Variants in LRP2 observed in about 807,000 individuals in gnomAD.
LRP2 encodes the protein LDL receptor related protein 2.
A neutral mutation model predicts 531.0 loss-of-function variants in LRP2; 172 were observed. The ratio of observed to expected loss-of-function variants is 0.32; its 90% confidence interval spans 0.29 to 0.37. The LOEUF (loss-of-function observed/expected upper bound fraction) is 0.37. LRP2 is among the 10% of genes least tolerant of loss of function. The pLI is 1.00. For missense variants in LRP2, 5,167 were observed against 5,868.3 expected, an observed-to-expected ratio of 0.88 and a Z score of 3.90; for synonymous variants, 1,992 against 2,027.6, an observed-to-expected ratio of 0.98 and a Z score of 0.47.
At chr2:169,182,704 A>C in intron 50 of LRP2, 1 of 861,098 alleles carries the variant, frequency 1.2e-6, no homozygotes, top group Non-Finnish European at 1.4e-6. Context: ...TCAAGGAAAC[A>C]CACTTGTCTA....
chr2:169,334,886 C>T (rs1656834961), intron 1 of LRP2, among the ~76,000 whole-genome samples: 1 of 152,172 alleles, frequency 6.6e-6, no homozygotes, highest in Non-Finnish European at 1.5e-5. Context: ...CACAGCCGTC[C>T]CTCCATGAAG....
intron 44 of LRP2, among the ~76,000 whole-genome samples, chr2:169,199,666 G>T (rs1471758620): frequency 6.7e-6 from 1 of 148,698 alleles, no homozygotes; most frequent in Non-Finnish European, 1.5e-5. Context: ...GCATAACCCT[G>T]CAGAAAAAAA....
In LRP2 at chr2:169,216,561, C is replaced by T. The variant is rs1410446933; in HGVS notation, c.5649-131G>A. ...ATGGGCAAAGGCTGAAAATCAATAT[C>T]TCGTTGCATACAACGTGGAGGGGTA... On this transcript the variant is annotated intron_variant, in intron 34 of 78. Coordinates refer to ENST00000649046, the MANE Select transcript of LRP2 (RefSeq NM_004525.3). 9 of 847,122 alleles carry T rather than the reference C, an allele frequency of 1.1e-5. No homozygotes were observed. In the East Asian group the frequency reaches 2.3e-4, roughly 21 times the overall value. 52.5% of individuals were successfully genotyped at this position (847,122 alleles called of 1,614,324 possible).
Position 169,292,331 on chromosome 2 carries a change from T to C in LRP2, c.691A>G (p.Ser231Gly), listed in dbSNP as rs1684018612. The C allele has an allele frequency of 1.9e-6, 3 of 1,614,066 alleles. No individual in the cohort carries two copies. The highest frequency in any genetic ancestry group is 2.5e-6 in the Non-Finnish European group (3 of 1,179,942). Residue 231 changes from serine to glycine, a missense_variant, in exon 7 of 79, where the codon AGT becomes GGT. Transcript: ENST00000649046. ...TCGGYQFTCP[S>G]GRCIYQNWVC... Reference sequence around the variant, plus strand: ...CAGTTTTGATAAATGCATCGGCCACTGGGGCAAGTGAACTGGTAACCACCG... The same window carrying C: ...CAGTTTTGATAAATGCATCGGCCACCGGGGCAAGTGAACTGGTAACCACCG...
intron 76 of LRP2, among the ~76,000 whole-genome samples, chr2:169,136,151 A>G (rs1370220356): frequency 6.6e-6 from 1 of 152,046 alleles, no homozygotes; most frequent in East Asian, 1.9e-4. Context: ...GCCATCACCA[A>G]TAATTCTACA....
rs1355605838 is a variant in LRP2 at position 169,175,449 on chromosome 2, GAGA to G, written c.10572-63_10572-61del. On this transcript the variant is annotated intron_variant, in intron 54 of 78. Coordinates refer to ENST00000649046, the MANE Select transcript of LRP2 (RefSeq NM_004525.3). Reference sequence around the variant, plus strand: ...GCACCAGGGGCAACAGTTATCTGGAGAGAAGAAGTCAACACTGAATTCCAAGAA... The same window carrying G: ...GCACCAGGGGCAACAGTTATCTGGAGAGAAGTCAACACTGAATTCCAAGAA... 1.1e-5 allele frequency: 16 copies of G among 1,513,166 alleles called. No homozygotes were observed. The East Asian group carries it at 2.0e-4, about 19-fold the overall frequency. 93.7% of individuals were successfully genotyped at this position (1,513,166 alleles called of 1,614,324 possible).
chr2:169,132,016 TCTC>T (rs1685308430), intron 77 of LRP2, among the ~76,000 whole-genome samples: 1 of 152,152 alleles, frequency 6.6e-6, no homozygotes, highest in African/African-American at 2.4e-5. Context: ...TTTCTTTCAA[TCTC>T]CAGTATTAAA....
chr2:169,347,639 C>A (rs1263383911), intron 1 of LRP2, among the ~76,000 whole-genome samples: 1 of 151,278 alleles, frequency 6.6e-6, no homozygotes, highest in Non-Finnish European at 1.5e-5. Context: ...TAGGAGAAAC[C>A]CAGCAGAGAG....
At chr2:169,304,794 G>A (rs1016128074) in intron 4 of LRP2, among the ~76,000 whole-genome samples, 2 of 152,118 alleles carry the variant, frequency 1.3e-5, no homozygotes, top group Non-Finnish European at 2.9e-5. Flanking sequence ...ATTTATAATA[G>A]CAAAGACTTG....
At chr2:169,329,145 T>C (rs569303516) in intron 1 of LRP2, among the ~76,000 whole-genome samples, 10 of 152,310 alleles carry the variant, frequency 6.6e-5, no homozygotes, top group African/African-American at 2.2e-4. Context: ...GCCGGTGTCA[T>C]CAGAGAAGTC....
Position 169,292,259 on chromosome 2 carries a change from C to T in LRP2, c.763G>A (p.Gly255Arg). ...AATCTCTTCCCCTCCTTACCACATC[C>T]ATCTTCATCTCCATTATCTTTACAG... is the stretch of plus-strand genomic sequence containing the variant. Reference protein sequence around the residue: ...DDCKDNGDEDGCESGPHDVHK... With the variant: ...DDCKDNGDEDRCESGPHDVHK... The change falls in exon 7 of 79, where the codon GGA becomes AGA. Residue 255 changes from glycine (G) to arginine (R), a missense_variant. Around this residue, in one of 6 missense-constraint regions of LRP2, gnomAD observed 2,811 missense variants for 3,058.0 expected, o/e 0.92. Coordinates refer to ENST00000649046, the MANE Select transcript of LRP2 (RefSeq NM_004525.3). The T allele has an allele frequency of 1.9e-6, 3 of 1,605,608 alleles. No individual in the cohort carries two copies. The highest frequency in any genetic ancestry group is 2.6e-6 in the Non-Finnish European group (3 of 1,172,272).
chr2:169,174,009 A>C lies in LRP2; in HGVS notation c.10924T>G (p.Cys3642Gly), dbSNP rs1438770334. ...TGCGGGATGCAGCGGCCATTAGCAC[A>C]CCGAAACTGGCCCGGCCGGCAGGTC... ...SRTCRPGQFRCANGRCIPQAW... is the reference protein window; with the variant it reads ...SRTCRPGQFRGANGRCIPQAW... Residue 3642 changes from cysteine (C) to glycine (G), a missense_variant, in exon 56 of 79, where the codon TGT becomes GGT. Coordinates refer to ENST00000649046, the MANE Select transcript of LRP2 (RefSeq NM_004525.3). 1 of 1,614,140 alleles carries C rather than the reference A, an allele frequency of 6.2e-7. No homozygotes were observed.
intron 5 of LRP2, 26 bp downstream of exon 5, chr2:169,294,574 C>T (rs1559061702): frequency 6.7e-7 from 1 of 1,496,686 alleles, no homozygotes; most frequent in East Asian, 2.3e-5. Flanking sequence ...CAGCACACAA[C>T]TGCACATCTT....
intron 69 of LRP2, 124 bp downstream of exon 69, chr2:169,146,615 T>G: frequency 1.4e-6 from 1 of 712,344 alleles, no homozygotes. Flanking sequence ...GGTGGAGGGG[T>G]GGTATCTAAA....
Position 169,244,905 on chromosome 2 carries a change from G to A in LRP2, c.3218C>T (p.Thr1073Ile). The A allele has an allele frequency of 1.2e-6, 2 of 1,614,238 alleles. No homozygotes were observed. The highest frequency in any genetic ancestry group is 1.7e-6 in the Non-Finnish European group (2 of 1,180,036). The change falls in exon 22 of 79, where the codon ACC (threonine) becomes ATC (isoleucine). Residue 1073 changes from threonine to isoleucine, a missense_variant. Physicochemically the swap from Thr to Ile is moderately conservative, Grantham distance 89. Coordinates refer to ENST00000649046, the MANE Select transcript of LRP2 (RefSeq NM_004525.3). ...LNNTCSSSAF[T>I]CGHGECIPAH... ...AGGAATGCACTCCCCATGGCCACAGGTGAACGCCGAAGATGAACAGGTATT... is the reference window on the plus strand; with the variant it reads ...AGGAATGCACTCCCCATGGCCACAGATGAACGCCGAAGATGAACAGGTATT...
intron 76 of LRP2, among the ~76,000 whole-genome samples, chr2:169,136,147 A>G (rs1224300963): frequency 6.6e-6 from 1 of 152,020 alleles, no homozygotes; most frequent in Non-Finnish European, 1.5e-5. Context: ...CCAGGCCATC[A>G]CCAATAATTC....
At chr2:169,157,295 T>A in intron 64 of LRP2, 76 bp downstream of exon 64, 1 of 1,442,926 alleles carries the variant, frequency 6.9e-7, no homozygotes, top group South Asian at 1.2e-5. Context: ...TAGTGATTTA[T>A]TTAACAAAGG....
At chr2:169,293,289 A>G (rs1486860423) in intron 6 of LRP2, among the ~76,000 whole-genome samples, 1 of 152,192 alleles carries the variant, frequency 6.6e-6, no homozygotes, top group Non-Finnish European at 1.5e-5. Flanking sequence ...GGTGGCAACA[A>G]TAAGAGAGGT....
In LRP2 at chr2:169,289,009, C is replaced by G; in HGVS notation, c.1042+17G>C. 6.2e-7 allele frequency: 1 copy of G among 1,613,664 alleles called. No homozygotes were observed. The highest frequency in any genetic ancestry group is 2.2e-5 in the East Asian group (1 of 44,850). On this transcript the variant is annotated intron_variant, in intron 9 of 78. Transcript: ENST00000649046. ...ACTGTAATGAAAGACAAGTAGCCGC[C>G]GCCCCCCATCACTTACCAACACAGG...
Sources: allele counts gnomAD v4.1 joint callset (sites outside exome capture counted in the v4.1 genomes callset), GRCh38; gene constraint gnomAD v4.1.1; regional missense constraint gnomAD v4.1.1; transcripts MANE v1.5; gene names NCBI Gene and HGNC (gene_info 2026-07-23, HGNC 2026-07-21).